KLHL32: variants seen among roughly 807,000 people sequenced by gnomAD.
The protein encoded by KLHL32 is kelch-like protein 32.
In KLHL32, 35 loss-of-function variants were observed where a neutral mutation model predicts 64.8. The ratio of observed to expected loss-of-function variants is 0.54; its 90% CI spans 0.41 to 0.72. KLHL32 has a LOEUF of 0.72. Among genes scored for constraint, KLHL32 ranks in the 30% least tolerant of loss-of-function variants. The pLI, the probability that KLHL32 is intolerant of heterozygous loss-of-function variation, is 0.00. For missense variants in KLHL32, 589 were observed against 768.5 expected (o/e 0.77, Z 2.76); for synonymous variants, 259 against 281.0 (o/e 0.92, Z 0.78).
chr6:96,927,315 A>G (rs1423854811), intron 1 of KLHL32, among the ~76,000 whole-genome samples: 2 of 152,240 alleles, frequency 1.3e-5, no homozygotes, highest in Non-Finnish European at 2.9e-5. Context: ...GCCTTTAATG[A>G]AAATGTCTGA....
chr6:96,915,452 A>G, the KLHL32 span, among the ~76,000 whole-genome samples: 7 of 152,222 alleles, frequency 4.6e-5, no homozygotes, highest in Admixed American at 2.0e-4. Flanking sequence ...GATGATAGCA[A>G]CACAAGCCAG....
chr6:96,991,375 G>T (rs1340755243), intron 3 of KLHL32, among the ~76,000 whole-genome samples: 1 of 151,956 alleles, frequency 6.6e-6, no homozygotes, highest in African/African-American at 2.4e-5. Context: ...GTTTCTCTCC[G>T]TATGGTGGCT....
intron 1 of KLHL32, among the ~76,000 whole-genome samples, chr6:96,927,875 C>T (rs1171073057): frequency 6.6e-6 from 1 of 152,218 alleles, no homozygotes; most frequent in East Asian, 1.9e-4. Flanking sequence ...GCAGCGTCCA[C>T]TTTTCGAGCT....
At chr6:96,995,034 T>C (rs1170847309) in intron 3 of KLHL32, among the ~76,000 whole-genome samples, 1 of 152,224 alleles carries the variant, frequency 6.6e-6, no homozygotes, top group African/African-American at 2.4e-5. Context: ...ATCCATTCTA[T>C]GAACATAGCC....
At chr6:96,917,182 T>C in the KLHL32 span, among the ~76,000 whole-genome samples, 1 of 152,188 alleles carries the variant, frequency 6.6e-6, no homozygotes. Flanking sequence ...AAATGAGAAA[T>C]TTATTGCAAA....
intron 1 of KLHL32, among the ~76,000 whole-genome samples, chr6:96,931,176 C>T (rs1769834248): frequency 6.6e-6 from 1 of 152,264 alleles, no homozygotes; most frequent in South Asian, 2.1e-4. Context: ...TAAAATCTTC[C>T]CGAACAGAAT....
intron 3 of KLHL32, among the ~76,000 whole-genome samples, chr6:97,032,118 G>T (rs1783647653): frequency 6.6e-6 from 1 of 152,198 alleles, no homozygotes; most frequent in South Asian, 2.1e-4. Context: ...CACATGACTA[G>T]TAGTTTATAG....
upstream of KLHL32, among the ~76,000 whole-genome samples, chr6:96,919,746 A>T (rs1562157036): frequency 1.3e-5 from 2 of 152,198 alleles, no homozygotes; most frequent in African/African-American, 4.8e-5. Flanking sequence ...AATAAACAGT[A>T]CAGAAAGGTA....
intron 4 of KLHL32, among the ~76,000 whole-genome samples, chr6:97,047,555 G>C (rs1786125038): frequency 6.6e-6 from 1 of 152,342 alleles, no homozygotes; most frequent in Middle Eastern, 3.4e-3. Context: ...AGTTACACTG[G>C]TGGGCAAGAG....
chr6:96,956,609 G>T (rs1417282489), intron 1 of KLHL32, among the ~76,000 whole-genome samples: 1 of 152,108 alleles, frequency 6.6e-6, no homozygotes, highest in Non-Finnish European at 1.5e-5. Flanking sequence ...CTCTCCTTTG[G>T]TAGGATAAAG....
intron 10 of KLHL32, 132 bp downstream of exon 10, chr6:97,132,879 T>C: frequency 3.4e-6 from 2 of 595,174 alleles, no homozygotes; most frequent in Non-Finnish European, 5.8e-6. Flanking sequence ...GTGCAACTAG[T>C]TCAGCCACTA....
chr6:97,022,491 TG>T (rs1447150631), intron 3 of KLHL32, among the ~76,000 whole-genome samples: 7 of 146,034 alleles, frequency 4.8e-5, no homozygotes, highest in African/African-American at 1.9e-4. Flanking sequence ...TTTTTTGAGA[TG>T]GAGTTTCACT....
At chr6:97,072,569 T>TTTTG (rs1451926218) in intron 5 of KLHL32, among the ~76,000 whole-genome samples, 1 of 151,718 alleles carries the variant, frequency 6.6e-6, no homozygotes, top group East Asian at 1.9e-4. Context: ...TTTGGCTTTT[T>TTTTG]TTTTTTTGAC....
At chr6:96,982,586 G>A (rs1467563604) in intron 3 of KLHL32, among the ~76,000 whole-genome samples, 2 of 152,150 alleles carry the variant, frequency 1.3e-5, no homozygotes, top group Non-Finnish European at 2.9e-5. Context: ...TCCTTGAAGA[G>A]GTCCTTCACA....
chr6:96,930,765 TTC>T (rs1296125148), intron 1 of KLHL32, among the ~76,000 whole-genome samples: 1 of 152,076 alleles, frequency 6.6e-6, no homozygotes, highest in Admixed American at 6.6e-5. Flanking sequence ...ATGATGTCTT[TTC>T]TCTCTGACAA....
intron 2 of KLHL32, among the ~76,000 whole-genome samples, chr6:96,974,486 T>C (rs925348332): frequency 6.6e-5 from 10 of 152,196 alleles, no homozygotes; most frequent in Non-Finnish European, 1.5e-4. Context: ...AGCTACTAGA[T>C]GAATATTCAG....
intron 3 of KLHL32, among the ~76,000 whole-genome samples, chr6:97,000,978 G>A (rs1020954900): frequency 5.6e-4 from 85 of 152,162 alleles, no homozygotes; most frequent in Non-Finnish European, 5.4e-4. Context: ...TTCTGGAAAA[G>A]GCAAAACTAT....
chr6:96,934,244 A>G (rs371060588), intron 1 of KLHL32, among the ~76,000 whole-genome samples: 7 of 152,212 alleles, frequency 4.6e-5, no homozygotes, highest in Admixed American at 3.3e-4. Flanking sequence ...TGGATCTTCT[A>G]TACTTACTGT....
chr6:97,129,283 A>G (rs1799192575), intron 8 of KLHL32, among the ~76,000 whole-genome samples: 1 of 152,168 alleles, frequency 6.6e-6, no homozygotes, highest in Non-Finnish European at 1.5e-5. Flanking sequence ...TGTATTCAAA[A>G]CATCGTATGA....
Sources: gnomAD v4.1 joint callset for allele counts (sites outside exome capture counted in the v4.1 genomes callset) on GRCh38, gnomAD v4.1.1 for gene constraint, MANE v1.5 for transcripts, NCBI Gene and HGNC (gene_info 2026-07-23, HGNC 2026-07-21) for gene names.